Variants in ATP2B1 observed in about 807,000 individuals in gnomAD.
ATP2B1 encodes the protein plasma membrane calcium-transporting ATPase 1.
In ATP2B1, 14 loss-of-function variants were observed where a neutral mutation model predicts 124.2. The observed-to-expected ratio is 0.11, with a 90% CI of 0.07 to 0.18. The LOEUF (loss-of-function observed/expected upper bound fraction) is 0.18, where lower values mean the gene tolerates loss of function less well. Ranked by LOEUF, ATP2B1 falls within the 10% of genes least tolerant of loss-of-function variation. The pLI, the probability that ATP2B1 is intolerant of heterozygous loss-of-function variation, is 1.00. For missense variants in ATP2B1, 763 were observed against 1,466.1 expected (o/e 0.52, Z 7.83); for synonymous variants, 449 against 492.4 (o/e 0.91, Z 1.17).
chr12:89,640,938 A>C (rs964542757), intron 3 of ATP2B1, among the ~76,000 whole-genome samples: 3 of 152,182 alleles, frequency 2.0e-5, no homozygotes, highest in Non-Finnish European at 2.9e-5. Context: ...TTTTCTTATA[A>C]GTTAGCCAGT....
At chr12:89,626,727 G>T in intron 7 of ATP2B1, 112 bp from the exon 8 acceptor site, 1 of 1,261,504 alleles carries the variant, frequency 7.9e-7, no homozygotes, top group Non-Finnish European at 1.1e-6. Flanking sequence ...AAAGGTATAA[G>T]CATTCAGCTT....
At chr12:89,677,969 T>TAC (rs1207955529) in intron 1 of ATP2B1, among the ~76,000 whole-genome samples, 4 of 59,530 alleles carry the variant, frequency 6.7e-5, no homozygotes, top group Admixed American at 3.8e-4. Context: ...TATATATATA[T>TAC]ATACACACAC....
At chr12:89,617,108 C>G (rs747878964) in intron 11 of ATP2B1, 69 bp from the exon 12 acceptor site, 1 of 1,170,990 alleles carries the variant, frequency 8.5e-7, no homozygotes, top group Non-Finnish European at 1.3e-6. Context: ...TTTAAGTGAA[C>G]TGGCAGGCCT....
intron 1 of ATP2B1, among the ~76,000 whole-genome samples, chr12:89,686,145 A>G (rs1889949353): frequency 6.6e-6 from 1 of 152,134 alleles, no homozygotes; most frequent in African/African-American, 2.4e-5. Context: ...TTTTTAAAGA[A>G]AGAAAATTTT....
upstream of ATP2B1, chr12:89,709,331 CGCCGCT>C (rs1247185287): frequency 6.6e-6 from 1 of 152,378 alleles, no homozygotes; most frequent in Non-Finnish European, 1.5e-5. Context: ...CTCGCGCCGC[CGCCGCT>C]GCCGCCTTGG....
chr12:89,647,817 C>T (rs1884700448), intron 2 of ATP2B1, among the ~76,000 whole-genome samples: 2 of 152,104 alleles, frequency 1.3e-5, no homozygotes, highest in South Asian at 4.1e-4. Flanking sequence ...TCAGCATCAT[C>T]CCCTTGGTAA....
At chr12:89,632,169 T>C (rs1466252430) in intron 5 of ATP2B1, among the ~76,000 whole-genome samples, 2 of 152,144 alleles carry the variant, frequency 1.3e-5, no homozygotes, top group Admixed American at 6.6e-5. Flanking sequence ...TTATCATTGA[T>C]TTGTATTTTA....
intron 2 of ATP2B1, among the ~76,000 whole-genome samples, chr12:89,643,198 ATATGTGTG>A (rs1404538116): frequency 6.6e-6 from 1 of 150,696 alleles, no homozygotes; most frequent in Non-Finnish European, 1.5e-5. Context: ...ATATATGTAT[ATATGTGTG>A]TATATGTGTA....
chr12:89,621,427 T>G, intron 10 of ATP2B1, 122 bp downstream of exon 10: 1 of 710,794 alleles, frequency 1.4e-6, no homozygotes. Context: ...TAAATAAATA[T>G]ATGCCTTTTA....
intron 1 of ATP2B1, among the ~76,000 whole-genome samples, chr12:89,703,407 T>C (rs796572077): frequency 5.0e-4 from 76 of 152,342 alleles, no homozygotes; most frequent in African/African-American, 1.7e-3. Flanking sequence ...CTAATATTCT[T>C]GGAAGATCTA....
chr12:89,652,191 C>T (rs1885344188), intron 2 of ATP2B1, among the ~76,000 whole-genome samples: 2 of 152,238 alleles, frequency 1.3e-5, no homozygotes, highest in South Asian at 4.1e-4. Context: ...ATACCCAGGG[C>T]CTAGAAAAAT....
chr12:89,658,645 G>GAGAGAGAGAGAGAC (rs1555204352), intron 1 of ATP2B1, among the ~76,000 whole-genome samples: 1 of 137,986 alleles, frequency 7.2e-6, no homozygotes, highest in Non-Finnish European at 1.6e-5. Context: ...GAGAGAGAGA[G>GAGAGAGAGAGAGAC]AGATAGAGAT....
At chr12:89,626,738 T>C (rs1221878678) in intron 7 of ATP2B1, 123 bp from the exon 8 acceptor site, 1 of 1,078,064 alleles carries the variant, frequency 9.3e-7, no homozygotes, top group East Asian at 2.7e-5. Context: ...CATTCAGCTT[T>C]GTGAGTGTGT....
At chr12:89,645,036 AG>A (rs1565864789) in intron 2 of ATP2B1, among the ~76,000 whole-genome samples, 1 of 152,246 alleles carries the variant, frequency 6.6e-6, no homozygotes, top group Non-Finnish European at 1.5e-5. Context: ...TATCTGGTAT[AG>A]GAAGTAGAAG....
intron 1 of ATP2B1, among the ~76,000 whole-genome samples, chr12:89,671,767 G>A (rs917060611): frequency 4.5e-5 from 4 of 88,352 alleles, no homozygotes; most frequent in African/African-American, 1.6e-4. Flanking sequence ...TGTTTCCCAA[G>A]GCAGTTTTTT....
At chr12:89,693,221 C>T (rs1188184292) in intron 1 of ATP2B1, among the ~76,000 whole-genome samples, 2 of 152,040 alleles carry the variant, frequency 1.3e-5, no homozygotes, top group East Asian at 3.9e-4. Context: ...ATGAAGAGTC[C>T]TATTTTGTAA....
At chr12:89,612,415 A>G (rs1380579484) in intron 12 of ATP2B1, among the ~76,000 whole-genome samples, 2 of 152,142 alleles carry the variant, frequency 1.3e-5, no homozygotes, top group African/African-American at 4.8e-5. Context: ...GGTAACATAC[A>G]TGAAGAAAAT....
chr12:89,642,222 T>C lies in ATP2B1; in HGVS notation c.342A>G (p.Leu114=). Residue 114 remains leucine (L), a synonymous_variant, in exon 3 of 21, where the codon TTA becomes TTG. Transcript: ENST00000428670. The part of the protein sequence containing the change: ...EALQDVTLII[L]EIAAIVSLGL... ...CCAATGATACTATGGCTGCAATTTC[T>C]AATATAATTAAAGTGACATCTTGTA... The C allele has an allele frequency of 6.2e-7, 1 of 1,613,888 alleles. No individual in the cohort carries two copies. The highest frequency in any genetic ancestry group is 2.2e-5 in the East Asian group (1 of 44,824).
intron 15 of ATP2B1, among the ~76,000 whole-genome samples, chr12:89,605,632 A>G (rs1398379143): frequency 6.6e-6 from 1 of 152,236 alleles, no homozygotes; most frequent in East Asian, 1.9e-4. Context: ...ACAATACAAA[A>G]TGGACAAAGA....
Sources: allele counts gnomAD v4.1 joint callset (sites outside exome capture counted in the v4.1 genomes callset), GRCh38; gene constraint gnomAD v4.1.1; transcripts MANE v1.5; gene names NCBI Gene and HGNC (gene_info 2026-07-23, HGNC 2026-07-21).